GMDS: variants seen among roughly 807,000 people sequenced by gnomAD.
GMDS encodes the protein GDP-mannose 4,6-dehydratase.
In GMDS, 20 loss-of-function variants were observed where a neutral mutation model predicts 49.9. The ratio of observed to expected loss-of-function variants is 0.40; its 90% CI spans 0.28 to 0.58. The LOEUF (loss-of-function observed/expected upper bound fraction) is 0.58, where lower values mean the gene tolerates loss of function less well. Ranked by LOEUF, GMDS falls within the 20% of genes least tolerant of loss-of-function variation. GMDS has a pLI of 0.42. For missense variants in GMDS, 362 were observed against 481.4 expected (o/e 0.75, Z 2.32); for synonymous variants, 177 against 178.6 (o/e 0.99, Z 0.07).
intron 4 of GMDS, among the ~76,000 whole-genome samples, chr6:2,042,262 A>C (rs746874843): frequency 6.6e-6 from 1 of 152,240 alleles, no homozygotes; most frequent in Non-Finnish European, 1.5e-5. Context: ...TCAACAGTTA[A>C]GAAAAAGGAA....
intron 7 of GMDS, among the ~76,000 whole-genome samples, chr6:1,783,336 G>A (rs146081990): frequency 6.6e-6 from 1 of 152,334 alleles, no homozygotes; most frequent in Non-Finnish European, 1.5e-5. Context: ...TCCACGGGGT[G>A]CAGGTGCAAG....
chr6:1,662,932 C>G (rs1156633751), intron 9 of GMDS, among the ~76,000 whole-genome samples: 1 of 152,178 alleles, frequency 6.6e-6, no homozygotes, highest in Admixed American at 6.5e-5. Context: ...CATGAATCCT[C>G]CCAACGAGAC....
intron 4 of GMDS, among the ~76,000 whole-genome samples, chr6:1,990,958 T>C (rs920463564): frequency 2.0e-5 from 3 of 152,176 alleles, no homozygotes; most frequent in Non-Finnish European, 4.4e-5. Context: ...TATCAACTTG[T>C]GGATGTTAAT....
At chr6:2,109,096 C>T (rs577576135) in intron 4 of GMDS, among the ~76,000 whole-genome samples, 94 of 152,268 alleles carry the variant, frequency 6.2e-4, no homozygotes, top group African/African-American at 2.0e-3. Flanking sequence ...ACAGCAAAGA[C>T]GGATATGTTG....
At chr6:1,913,955 G>A (rs1047367363) in intron 7 of GMDS, among the ~76,000 whole-genome samples, 1 of 151,856 alleles carries the variant, frequency 6.6e-6, no homozygotes, top group African/African-American at 2.4e-5. Flanking sequence ...GTGGATGTAC[G>A]GGGGGAAAGG....
At chr6:2,115,971 G>A in intron 3 of GMDS, 91 bp from the exon 4 acceptor site, 3 of 783,868 alleles carry the variant, frequency 3.8e-6, no homozygotes, top group Admixed American at 3.8e-5. Flanking sequence ...TATTTGGAAA[G>A]TCTGAAAACC....
At chr6:2,062,797 C>T (rs1771267901) in intron 4 of GMDS, among the ~76,000 whole-genome samples, 1 of 152,140 alleles carries the variant, frequency 6.6e-6, no homozygotes, top group Admixed American at 6.5e-5. Flanking sequence ...CAACTGGCAA[C>T]AAAAAGACTG....
intron 6 of GMDS, among the ~76,000 whole-genome samples, chr6:1,944,692 A>C (rs1263357459): frequency 6.6e-6 from 1 of 151,138 alleles, no homozygotes; most frequent in Admixed American, 6.6e-5. Flanking sequence ...AAAAAAAAAA[A>C]AATTTCACGT....
chr6:1,778,490 T>C lies in GMDS; in HGVS notation c.772-35904A>G, dbSNP rs936429041. On this transcript the variant is annotated intron_variant, in intron 7 of 10. Coordinates refer to ENST00000380815, the MANE Select transcript of GMDS (RefSeq NM_001500.4). This position sits in a 1 kb window ranked among gnomAD's most constrained non-coding sequence, Gnocchi z 4.6. ...TGGAATTCAAGAGGAGGGGGCAGCCTTCCTGACCTGGAACTTACTCCAGCC... is the reference window on the plus strand; with the variant it reads ...TGGAATTCAAGAGGAGGGGGCAGCCCTCCTGACCTGGAACTTACTCCAGCC... 2.0e-5 allele frequency among the ~76,000 whole-genome samples: 3 copies of C among 152,190 alleles called. No individual in the cohort carries two copies. Among genetic ancestry groups the C allele is most frequent in the East Asian group, 1.9e-4 (1 of 5,196 alleles).
At chr6:2,000,558 T>C (rs1228969568) in intron 4 of GMDS, among the ~76,000 whole-genome samples, 2 of 152,230 alleles carry the variant, frequency 1.3e-5, no homozygotes, top group African/African-American at 4.8e-5. Context: ...CTCTTTCGAT[T>C]AGCATAATAT....
rs1039553373 is a variant in GMDS, at chr6:1,652,280, GAGAAT to G, written c.988-27745_988-27741del. Reference sequence around the variant, plus strand: ...CCAGCTACTTGGGAGGCTGAGGCAGGAGAATCTCTTGAACCCAGGAGGCAGAGGTT... The same window carrying G: ...CCAGCTACTTGGGAGGCTGAGGCAGGCTCTTGAACCCAGGAGGCAGAGGTT... On this transcript the variant is annotated intron_variant, in intron 9 of 10. Transcript: ENST00000380815. Among the ~76,000 whole-genome samples the G allele has an allele frequency of 5.2e-5, 7 of 134,940 alleles. No homozygotes were observed. The Admixed American group carries it at 6.1e-4, about 12-fold the overall frequency. 88.5% of individuals were successfully genotyped at this position (134,940 alleles called of 152,430 possible).
chr6:1,716,851 T>C (rs2113410531), intron 9 of GMDS, among the ~76,000 whole-genome samples: 1 of 152,340 alleles, frequency 6.6e-6, no homozygotes, highest in Non-Finnish European at 1.5e-5. Context: ...TCCCCTTTAT[T>C]AGGAAGCCTG....
At chr6:1,678,549 T>G (rs1257061968) in intron 9 of GMDS, among the ~76,000 whole-genome samples, 1 of 152,110 alleles carries the variant, frequency 6.6e-6, no homozygotes, top group Non-Finnish European at 1.5e-5. Context: ...CAAGTTGGGC[T>G]GGAATCAGAA....
At chr6:1,792,634 G>A (rs977249339) in intron 7 of GMDS, among the ~76,000 whole-genome samples, 3 of 152,060 alleles carry the variant, frequency 2.0e-5, no homozygotes, top group African/African-American at 7.2e-5. Context: ...AGTACATGGA[G>A]GATAATTACA....
chr6:1,678,638 A>C (rs1340607510), intron 9 of GMDS, among the ~76,000 whole-genome samples: 1 of 152,152 alleles, frequency 6.6e-6, no homozygotes, highest in Non-Finnish European at 1.5e-5. Context: ...GTAACACGTA[A>C]AGCAGGGACA....
intron 4 of GMDS, among the ~76,000 whole-genome samples, chr6:2,015,869 C>G (rs1227808118): frequency 6.6e-6 from 1 of 152,022 alleles, no homozygotes; most frequent in East Asian, 1.9e-4. Context: ...CTTTTTCTTT[C>G]CCATTTTAAG....
At chr6:2,068,904 T>C (rs1159848923) in intron 4 of GMDS, among the ~76,000 whole-genome samples, 1 of 151,996 alleles carries the variant, frequency 6.6e-6, no homozygotes, top group Non-Finnish European at 1.5e-5. Context: ...TTCACAGAAA[T>C]GGAAAAAACT....
At chr6:1,749,264 C>T (rs1230775689) in intron 7 of GMDS, among the ~76,000 whole-genome samples, 1 of 152,146 alleles carries the variant, frequency 6.6e-6, no homozygotes, top group African/African-American at 2.4e-5. Context: ...TGCGGTGTTC[C>T]TTGGCTAGGA....
At chr6:2,098,883 A>G (rs1415157772) in intron 4 of GMDS, among the ~76,000 whole-genome samples, 2 of 152,170 alleles carry the variant, frequency 1.3e-5, no homozygotes, top group Non-Finnish European at 2.9e-5. Context: ...AAGTTTTATT[A>G]TTATATAAGT....
Sources: gnomAD v4.1 joint callset for allele counts (sites outside exome capture counted in the v4.1 genomes callset) on GRCh38, gnomAD v4.1.1 for gene constraint, Gnocchi (gnomAD v3.1) non-coding constraint, MANE v1.5 for transcripts, NCBI Gene and HGNC (gene_info 2026-07-23, HGNC 2026-07-21) for gene names.